SORCS1: variants seen among roughly 807,000 people sequenced by gnomAD.
The protein encoded by SORCS1 is sortilin related VPS10 domain containing receptor 1, also known as VPS10 domain-containing receptor SorCS1.
A neutral mutation model predicts 146.1 loss-of-function variants in SORCS1; 60 were observed. The ratio of observed to expected loss-of-function variants is 0.41; its 90% confidence interval spans 0.33 to 0.51. The LOEUF is 0.51. Ranked by LOEUF, SORCS1 falls within the 20% of genes least tolerant of loss-of-function variation. The probability of loss-of-function intolerance (pLI) is 0.21; values close to 1 mark genes in which losing one functional copy is unlikely to be tolerated. For missense variants in SORCS1, 1,352 were observed against 1,487.6 expected (o/e 0.91, Z 1.50); for synonymous variants, 637 against 584.0 (o/e 1.09, Z -1.31).
intron 19 of SORCS1, among the ~76,000 whole-genome samples, chr10:106,627,591 G>A (rs1239111239): frequency 2.6e-5 from 4 of 152,144 alleles, no homozygotes; most frequent in Admixed American, 6.5e-5. Flanking sequence ...CATATAGGGA[G>A]GTGTTATGTC....
chr10:107,043,116 T>G (rs1959183567), intron 1 of SORCS1, among the ~76,000 whole-genome samples: 3 of 152,118 alleles, frequency 2.0e-5, no homozygotes, highest in Admixed American at 6.5e-5. Context: ...AAAAAAATAA[T>G]GAAAGAGAAT....
intron 24 of SORCS1, among the ~76,000 whole-genome samples, chr10:106,585,092 C>CA (rs1238298917): frequency 6.6e-6 from 1 of 151,812 alleles, no homozygotes; most frequent in East Asian, 1.9e-4. Flanking sequence ...GGCATGGTGG[C>CA]AGGCACCTGT....
chr10:106,783,094 T>G (rs1044115678), intron 3 of SORCS1, among the ~76,000 whole-genome samples: 2 of 151,428 alleles, frequency 1.3e-5, no homozygotes, highest in South Asian at 2.1e-4. Context: ...TGTGCCACTT[T>G]GAATACCTTA....
chr10:106,756,541 C>G (rs575042163), intron 5 of SORCS1, among the ~76,000 whole-genome samples: 30 of 152,326 alleles, frequency 2.0e-4, no homozygotes, highest in Admixed American at 1.8e-3. Context: ...AACAAGACCA[C>G]TGTTGCTGTC....
At chr10:106,937,782 A>G (rs822075) in intron 2 of SORCS1, among the ~76,000 whole-genome samples, 107,855 of 151,720 alleles carry the variant, frequency 0.71, 42,902 homozygotes, top group Non-Finnish European at 0.91. Context: ...TGGCCAACAC[A>G]GTGAAATCCC....
At chr10:106,715,765 T>C (rs1323568042) in intron 6 of SORCS1, among the ~76,000 whole-genome samples, 1 of 152,162 alleles carries the variant, frequency 6.6e-6, no homozygotes, top group Non-Finnish European at 1.5e-5. Flanking sequence ...TCTTTCTTTT[T>C]CTTTTTTTTG....
At chr10:106,669,601 G>A (rs1467819939) in intron 16 of SORCS1, among the ~76,000 whole-genome samples, 1 of 152,210 alleles carries the variant, frequency 6.6e-6, no homozygotes, top group Non-Finnish European at 1.5e-5. Context: ...TAGTCCCAAA[G>A]GGTAGTACAG....
chr10:107,124,698 G>C (rs1966603034), intron 1 of SORCS1, among the ~76,000 whole-genome samples: 1 of 152,054 alleles, frequency 6.6e-6, no homozygotes, highest in Non-Finnish European at 1.5e-5. Context: ...TCAACTTGAG[G>C]ACTCATGTAA....
chr10:107,057,641 C>A (rs987117050), intron 1 of SORCS1, among the ~76,000 whole-genome samples: 2 of 152,228 alleles, frequency 1.3e-5, no homozygotes, highest in African/African-American at 4.8e-5. Flanking sequence ...TTCCTGCCCT[C>A]TCTAAATCTG....
chr10:106,687,382 G>T lies in SORCS1; in HGVS notation c.1560+810C>A, dbSNP rs144172571. Among the ~76,000 whole-genome samples, 16 of 152,232 alleles carry T rather than the reference G, an allele frequency of 1.1e-4. 1 individual carries two copies. In the East Asian group the frequency reaches 3.1e-3, roughly 29 times the overall value. On this transcript the variant is annotated intron_variant, in intron 10 of 25. Coordinates refer to ENST00000263054, the MANE Select transcript of SORCS1 (RefSeq NM_052918.5). Reference sequence around the variant, plus strand: ...CCAAATGTAAGGCAACTAAAAGAAAGCCATACTTTAAAGTAGGGGTCAGCA... The same window carrying T: ...CCAAATGTAAGGCAACTAAAAGAAATCCATACTTTAAAGTAGGGGTCAGCA...
chr10:106,844,423 T>G (rs973147539), intron 2 of SORCS1, among the ~76,000 whole-genome samples: 1 of 152,064 alleles, frequency 6.6e-6, no homozygotes, highest in African/African-American at 2.4e-5. Context: ...TGTTTTCTTC[T>G]AGGAGTTTCA....
At chr10:106,783,268 TATC>T (rs1861033336) in intron 3 of SORCS1, among the ~76,000 whole-genome samples, 1 of 152,220 alleles carries the variant, frequency 6.6e-6, no homozygotes, top group East Asian at 1.9e-4. Flanking sequence ...TTCAGGTAGA[TATC>T]ATTATGTCCA....
intron 4 of SORCS1, among the ~76,000 whole-genome samples, chr10:106,765,298 C>T (rs1244533441): frequency 6.6e-6 from 1 of 152,110 alleles, no homozygotes; most frequent in East Asian, 1.9e-4. Flanking sequence ...GGGCCTAACC[C>T]TCCACACTGT....
At chr10:106,956,491 T>C (rs1041893977) in intron 2 of SORCS1, 22 bp downstream of exon 2, 8 of 1,609,450 alleles carry the variant, frequency 5.0e-6, no homozygotes, top group Non-Finnish European at 6.0e-6. Flanking sequence ...ACGGTAATTA[T>C]TAGCTCCATT....
chr10:106,651,203 T>C (rs1372341213), intron 18 of SORCS1, among the ~76,000 whole-genome samples: 2 of 152,188 alleles, frequency 1.3e-5, no homozygotes, highest in African/African-American at 4.8e-5. Context: ...TCAAACTCGT[T>C]ATTTCACAGT....
At chr10:106,981,819 T>C (rs1956256519) in intron 1 of SORCS1, among the ~76,000 whole-genome samples, 1 of 152,206 alleles carries the variant, frequency 6.6e-6, no homozygotes, top group South Asian at 2.1e-4. Context: ...GTTCTTCCTG[T>C]CCCTCTTTCC....
chr10:106,621,267 T>C lies in SORCS1; in HGVS notation c.2663-706A>G, dbSNP rs12414295. 7.2e-5 allele frequency among the ~76,000 whole-genome samples: 11 copies of C among 152,252 alleles called. No individual in the cohort carries two copies. In the East Asian group the frequency reaches 7.8e-4, roughly 11 times the overall value. On this transcript the variant is annotated intron_variant, in intron 19 of 25. Coordinates refer to ENST00000263054, the MANE Select transcript of SORCS1 (RefSeq NM_052918.5). The stretch of plus-strand genomic sequence containing the variant: ...TGTACCAACCTCACAAAGATATGAA[T>C]GCCCTCTTCATAAAGAACCACTAGG...
rs1022488809 is a variant in SORCS1, at chr10:106,673,067, T to C, written c.1941-82A>G. ...ACAACAGAGAGCATTTGTGGGGCGT[T>C]CACCCTGAGCTAAGCACATTACATG... is the stretch of plus-strand genomic sequence containing the variant. On this transcript the variant is annotated intron_variant, in intron 14 of 25. Transcript: ENST00000263054. 1.2e-5 allele frequency: 13 copies of C among 1,099,324 alleles called. No homozygotes were observed. In the African/African-American group the frequency reaches 1.9e-4, roughly 16 times the overall value. 68.1% of individuals were successfully genotyped at this position (1,099,324 alleles called of 1,614,324 possible).
intron 2 of SORCS1, among the ~76,000 whole-genome samples, chr10:106,900,369 C>T (rs1270776711): frequency 6.6e-6 from 1 of 152,106 alleles, no homozygotes; most frequent in African/African-American, 2.4e-5. Flanking sequence ...ACAATGTCCA[C>T]TTATATCCTA....
Sources: gnomAD v4.1 joint callset for allele counts (sites outside exome capture counted in the v4.1 genomes callset) on GRCh38, gnomAD v4.1.1 for gene constraint, MANE v1.5 for transcripts, NCBI Gene and HGNC (gene_info 2026-07-23, HGNC 2026-07-21) for gene names.